The following RYR2 variants were observed in gnomAD, a reference collection of about 807,000 sequenced individuals.
RYR2 encodes the protein ryanodine receptor 2, also known as cardiac muscle ryanodine receptor-calcium release channel.
A neutral mutation model predicts 601.1 loss-of-function variants in RYR2; 227 were observed. The observed-to-expected ratio is 0.38, with a 90% CI of 0.34 to 0.42. RYR2 has a LOEUF of 0.42. Ranked by LOEUF, RYR2 falls within the 10% of genes least tolerant of loss-of-function variation. RYR2 has a pLI of 1.00. For synonymous variants in RYR2, 2,223 were observed against 2,175.1 expected, an observed-to-expected ratio of 1.02 and a Z score of -0.61; for missense variants, 4,646 against 6,156.5, an observed-to-expected ratio of 0.75 and a Z score of 8.21.
At chr1:237,822,374 T>A (rs189678554) in intron 101 of RYR2, among the ~76,000 whole-genome samples, 61 of 152,328 alleles carry the variant, frequency 4.0e-4, no homozygotes, top group African/African-American at 1.5e-3. Flanking sequence ...GGGCAAATAT[T>A]CAACATTCTT....
intron 53 of RYR2, among the ~76,000 whole-genome samples, 158 bp from the exon 54 acceptor site, chr1:237,657,786 T>A (rs1683395935): frequency 6.6e-6 from 1 of 151,910 alleles, no homozygotes; most frequent in African/African-American, 2.4e-5. Flanking sequence ...TCTTATATTG[T>A]TGTGAAAATA....
At chr1:237,479,262 C>T (rs898819212) in intron 17 of RYR2, among the ~76,000 whole-genome samples, 2 of 152,192 alleles carry the variant, frequency 1.3e-5, no homozygotes, top group African/African-American at 4.8e-5. Context: ...TGATATATCT[C>T]ACAACTATAT....
intron 12 of RYR2, among the ~76,000 whole-genome samples, chr1:237,435,968 C>G (rs573388022): frequency 2.4e-4 from 36 of 152,180 alleles, no homozygotes; most frequent in African/African-American, 8.4e-4. Context: ...AGGCTGGAAT[C>G]CTTAGGCATG....
rs1699018863 is a variant in RYR2, at chr1:237,353,243, GC to G, written c.274-2719del. The stretch of plus-strand genomic sequence containing the variant: ...TTTATGGAATAGTTCATGTTTATGT[GC>G]CCTAAATTTGTAATTAAAATATGAA... On this transcript the variant is annotated intron_variant, in intron 3 of 104. Transcript: ENST00000366574. Among the ~76,000 whole-genome samples, 3 of 152,116 alleles carry G rather than the reference GC, an allele frequency of 2.0e-5. No individual in the cohort carries two copies. The South Asian group carries it at 6.2e-4, about 32-fold the overall frequency.
At chr1:237,057,169 CA>C (rs1662253873) in intron 1 of RYR2, among the ~76,000 whole-genome samples, 1 of 151,912 alleles carries the variant, frequency 6.6e-6, no homozygotes, top group African/African-American at 2.4e-5. Context: ...AACAGAGGCT[CA>C]GACGAAGGTG....
chr1:237,267,551 A>G (rs529940016), intron 1 of RYR2: 25 of 240,710 alleles, frequency 1.0e-4, no homozygotes, highest in African/African-American at 4.0e-4. Context: ...GAAGAGAAGA[A>G]AAGAAACTCG....
At chr1:237,333,776 C>G (rs1696979253) in intron 3 of RYR2, 1 of 349,942 alleles carries the variant, frequency 2.9e-6, no homozygotes, top group Admixed American at 3.7e-5. Flanking sequence ...AATCAAATTA[C>G]TATCTCCAGG....
intron 29 of RYR2, among the ~76,000 whole-genome samples, chr1:237,574,385 G>A (rs1673016408): frequency 1.3e-5 from 2 of 152,152 alleles, no homozygotes; most frequent in Non-Finnish European, 2.9e-5. Context: ...TCCCAAGATT[G>A]CTTCTAGGAA....
intron 25 of RYR2, among the ~76,000 whole-genome samples, chr1:237,536,314 T>C (rs1252071505): frequency 1.3e-5 from 2 of 152,212 alleles, no homozygotes; most frequent in African/African-American, 4.8e-5. Flanking sequence ...AAAGCATCTG[T>C]TAATCCCAGC....
intron 25 of RYR2, 126 bp from the exon 26 acceptor site, chr1:237,548,305 C>A: frequency 1.1e-6 from 1 of 902,684 alleles, no homozygotes; most frequent in Non-Finnish European, 1.7e-6. Flanking sequence ...CTGTCTGGTA[C>A]TTCACCACTG....
chr1:237,657,917 G>T, intron 53 of RYR2, 27 bp from the exon 54 acceptor site: 1 of 1,238,776 alleles, frequency 8.1e-7, no homozygotes, highest in Non-Finnish European at 1.1e-6. Flanking sequence ...TGAAAATCAA[G>T]CTCTTTTGTC....
intron 25 of RYR2, among the ~76,000 whole-genome samples, chr1:237,547,829 A>C (rs2148082774): frequency 6.6e-6 from 1 of 152,312 alleles, no homozygotes; most frequent in Middle Eastern, 3.4e-3. Flanking sequence ...AACTCTAGGG[A>C]AATAAAATGC....
At chr1:237,483,045 C>G (rs1332545008) in intron 17 of RYR2, among the ~76,000 whole-genome samples, 1 of 152,120 alleles carries the variant, frequency 6.6e-6, no homozygotes, top group Non-Finnish European at 1.5e-5. Flanking sequence ...CTCTGTGCCT[C>G]GCTGTGTCTC....
At chr1:237,456,790 A>G in intron 16 of RYR2, 55 bp downstream of exon 16, 1 of 1,590,176 alleles carries the variant, frequency 6.3e-7, no homozygotes, top group Non-Finnish European at 8.6e-7. Context: ...AAATGTCCAT[A>G]AATGGACTAG....
chr1:237,736,899 T>C (rs910822624), intron 79 of RYR2, among the ~76,000 whole-genome samples: 1 of 152,194 alleles, frequency 6.6e-6, no homozygotes, highest in South Asian at 2.1e-4. Context: ...AGGGTGAAGA[T>C]TTCTGCCAGA....
chr1:237,718,323 C>T, intron 72 of RYR2, 139 bp from the exon 73 acceptor site: 5 of 489,684 alleles, frequency 1.0e-5, no homozygotes, highest in Non-Finnish European at 1.1e-5. Context: ...ATGAGAATGC[C>T]CCAAATTTGT....
chr1:237,660,700 C>A, intron 55 of RYR2, 110 bp from the exon 56 acceptor site: 1 of 890,574 alleles, frequency 1.1e-6, no homozygotes, highest in Non-Finnish European at 1.6e-6. Flanking sequence ...ATAAGCTATG[C>A]TCATCAAATT....
At chr1:237,264,255 T>C (rs538765928) in intron 1 of RYR2, among the ~76,000 whole-genome samples, 2 of 152,320 alleles carry the variant, frequency 1.3e-5, no homozygotes, top group Non-Finnish European at 2.9e-5. Flanking sequence ...TCCTGATTCT[T>C]TGAAGGTTTT....
At chr1:237,393,180 C>T (rs1702532795) in intron 10 of RYR2, among the ~76,000 whole-genome samples, 1 of 152,080 alleles carries the variant, frequency 6.6e-6, no homozygotes, top group Admixed American at 6.6e-5. Context: ...CCTTATCTGG[C>T]ATTGCTCTTG....
Sources: allele counts gnomAD v4.1 joint callset (sites outside exome capture counted in the v4.1 genomes callset), GRCh38; gene constraint gnomAD v4.1.1; transcripts MANE v1.5; gene names NCBI Gene and HGNC (gene_info 2026-07-23, HGNC 2026-07-21).